Variants in PKM observed in about 807,000 individuals in gnomAD.
The protein encoded by PKM is pyruvate kinase M1/2.
In PKM, 18 loss-of-function variants were observed where a neutral mutation model predicts 49.8. The ratio of observed to expected loss-of-function variants is 0.36; its 90% confidence interval spans 0.25 to 0.54. The LOEUF (loss-of-function observed/expected upper bound fraction) is 0.54, where lower values mean the gene tolerates loss of function less well. Ranked by LOEUF, PKM falls within the 20% of genes least tolerant of loss-of-function variation. The pLI is 0.89. For missense variants in PKM, 508 were observed against 713.8 expected, an observed-to-expected ratio of 0.71 and a Z score of 3.28; for synonymous variants, 239 against 261.8, an observed-to-expected ratio of 0.91 and a Z score of 0.84.
chr15:72,224,895 A>C (rs181366319), intron 1 of PKM, among the ~76,000 whole-genome samples: 1 of 145,576 alleles, frequency 6.9e-6, no homozygotes, highest in African/African-American at 2.5e-5. Flanking sequence ...ATAAAGGCTG[A>C]GCTGTATTTT....
intron 1 of PKM, among the ~76,000 whole-genome samples, chr15:72,224,288 C>A (rs376870825): frequency 1.6e-4 from 24 of 152,228 alleles, no homozygotes; most frequent in African/African-American, 5.8e-4. Flanking sequence ...CTAAAATCAG[C>A]AAGGGACCTG....
At chr15:72,218,454 C>G (rs111555537) in intron 2 of PKM, among the ~76,000 whole-genome samples, 112 of 152,004 alleles carry the variant, frequency 7.4e-4, no homozygotes, top group African/African-American at 2.0e-3. Flanking sequence ...CAGGATCTCG[C>G]TCTGTTGCCT....
chr15:72,206,163 C>T, intron 8 of PKM: 1 of 158,980 alleles, frequency 6.3e-6, no homozygotes, highest in Non-Finnish European at 1.4e-5. Flanking sequence ...AAAGCAAATC[C>T]CCCTACAGGC....
chr15:72,217,384 G>T, intron 3 of PKM, 25 bp downstream of exon 3: 2 of 1,432,014 alleles, frequency 1.4e-6, no homozygotes, highest in Non-Finnish European at 2.0e-6. Context: ...CATCACAATG[G>T]CCATAGGGTC....
intron 1 of PKM, chr15:72,221,217 G>A: frequency 6.5e-7 from 1 of 1,535,504 alleles, no homozygotes; most frequent in Non-Finnish European, 8.7e-7. Flanking sequence ...TCCCCTTTTG[G>A]CTCAGGGTGG....
chr15:72,204,164 C>G (rs1213173089), intron 8 of PKM: 1 of 152,204 alleles, frequency 6.6e-6, no homozygotes, highest in Non-Finnish European at 1.5e-5. Flanking sequence ...CAGAGCCATA[C>G]CTGGTACTGC....
intron 3 of PKM, 88 bp from the exon 4 acceptor site, chr15:72,210,566 C>A: frequency 6.9e-7 from 1 of 1,459,424 alleles, no homozygotes; most frequent in South Asian, 1.2e-5. Flanking sequence ...GCTGATCACT[C>A]AGGAAAGGCC....
chr15:72,206,672 A>C, intron 8 of PKM, 56 bp downstream of exon 8: 4 of 1,568,496 alleles, frequency 2.6e-6, no homozygotes, highest in Non-Finnish European at 3.5e-6. Context: ...CAGAGCTTGC[A>C]TCCATCCCAG....
intron 1 of PKM, among the ~76,000 whole-genome samples, chr15:72,227,318 A>T (rs909190125): frequency 6.6e-6 from 1 of 152,252 alleles, no homozygotes; most frequent in South Asian, 2.1e-4. Context: ...GTGTTATACC[A>T]GCTAATTGAG....
rs1341601814 is a variant in PKM at position 72,209,018 on chromosome 15, A to G, written c.566-127T>C. 4 of 1,025,390 alleles carry G rather than the reference A, an allele frequency of 3.9e-6. No homozygotes were observed. The African/African-American group carries it at 6.3e-5, about 16-fold the overall frequency. 63.5% of individuals were successfully genotyped at this position (1,025,390 alleles called of 1,614,324 possible). A position where few individuals can be genotyped will look rare whatever the true frequency, so the allele number is the denominator to read the frequency against. On this transcript the variant is annotated intron_variant, in intron 5 of 10. Transcript: ENST00000335181. ...TTATGGGTGCTGGAGCTGTTTTACC[A>G]GAGTTGAAAACCTACTACACTGTGT...
At chr15:72,207,608 T>C (rs2082119547) in intron 6 of PKM, among the ~76,000 whole-genome samples, 1 of 152,204 alleles carries the variant, frequency 6.6e-6, no homozygotes, top group South Asian at 2.1e-4. Flanking sequence ...GGGCCTCCAT[T>C]TTCCAATCAG....
At chr15:72,221,611 A>G (rs2082526787) in intron 1 of PKM, among the ~76,000 whole-genome samples, 1 of 152,166 alleles carries the variant, frequency 6.6e-6, no homozygotes, top group South Asian at 2.1e-4. Flanking sequence ...ATATAAATAT[A>G]AAAATACTTT....
In PKM at chr15:72,208,625, G is replaced by A. The variant is rs751929272; in HGVS notation, c.832C>T (p.Arg278Trp). 56 of 1,613,818 alleles carry A rather than the reference G, an allele frequency of 3.5e-5. No individual in the cohort carries two copies. The highest frequency in any genetic ancestry group is 9.4e-5 in the African/African-American group (7 of 74,858). Residue 278 changes from arginine to tryptophan, a missense_variant, in exon 6 of 11, where the codon CGG (arginine) becomes TGG (tryptophan). By Grantham distance (101) the Arg-to-Trp change is moderately radical. Transcript: ENST00000335181. Reference sequence around the variant, plus strand: ...GCAGGGACAACGGGGACTTGCCTCCGAACCCCCTCATGATTCTCGATTTTG... The same window carrying A: ...GCAGGGACAACGGGGACTTGCCTCCAAACCCCCTCATGATTCTCGATTTTG... ...ISKIENHEGV[R>W]RFDEILEASD...
At chr15:72,220,352 C>A (rs1012332805) in intron 1 of PKM, among the ~76,000 whole-genome samples, 1 of 152,220 alleles carries the variant, frequency 6.6e-6, no homozygotes, top group African/African-American at 2.4e-5. Flanking sequence ...GACCCTTACT[C>A]CTTTACCCTG....
At chr15:72,199,804 G>A in intron 10 of PKM, 48 bp from the exon 11 acceptor site, 1 of 1,295,758 alleles carries the variant, frequency 7.7e-7, no homozygotes, top group South Asian at 1.2e-5. Context: ...AGCCAGGCAG[G>A]TTTGCACCTG....
intron 3 of PKM, among the ~76,000 whole-genome samples, chr15:72,216,858 G>A (rs1042666276): frequency 2.0e-5 from 3 of 152,172 alleles, no homozygotes; most frequent in Non-Finnish European, 4.4e-5. Context: ...TAATGTACCA[G>A]AACCCCTGGG....
chr15:72,213,270 G>C (rs910381800), intron 3 of PKM, among the ~76,000 whole-genome samples: 1 of 152,096 alleles, frequency 6.6e-6, no homozygotes, highest in South Asian at 2.1e-4. Flanking sequence ...GTACCTGCCT[G>C]GTTTTGGTAC....
In PKM at chr15:72,231,161, C is replaced by G; in HGVS notation, c.-59G>C. ...GGCTACGCTGCAAAGACGAAGAGAT[C>G]CGGAGCCACGGCGCGTGCAGCTGCT... is the stretch of plus-strand genomic sequence containing the variant. On this transcript the variant is annotated 5_prime_UTR_variant, in exon 1 of 11. Coordinates refer to ENST00000335181, the MANE Select transcript of PKM (RefSeq NM_002654.6). The G allele has an allele frequency of 3.4e-6, 1 of 291,498 alleles. No individual in the cohort carries two copies. The highest frequency in any genetic ancestry group is 2.6e-5 in the South Asian group (1 of 38,542). 18.1% of individuals were successfully genotyped at this position (291,498 alleles called of 1,614,324 possible).
intron 3 of PKM, 29 bp from the exon 4 acceptor site, chr15:72,210,507 G>C (rs182004873): frequency 2.5e-6 from 4 of 1,613,642 alleles, no homozygotes; most frequent in Non-Finnish European, 3.4e-6. Context: ...GATGACAAGC[G>C]TGCTCCCACA....
Sources: gnomAD v4.1 joint callset for allele counts (sites outside exome capture counted in the v4.1 genomes callset) on GRCh38, gnomAD v4.1.1 for gene constraint, MANE v1.5 for transcripts, NCBI Gene and HGNC (gene_info 2026-07-23, HGNC 2026-07-21) for gene names.